The following COL23A1 variants were observed in gnomAD, a reference collection of about 807,000 sequenced individuals.
COL23A1 encodes the protein collagen type XXIII alpha 1 chain, also known as collagen alpha-1(XXIII) chain.
Under a neutral mutation model 99.3 loss-of-function variants are expected in COL23A1, and 97 were observed. That is an observed-to-expected ratio of 0.98 (90% CI 0.83 to 1.16). The LOEUF (loss-of-function observed/expected upper bound fraction) is 1.16. Among genes scored for constraint, COL23A1 ranks in the 50% most tolerant of loss-of-function variants. The pLI is 0.00. For synonymous variants in COL23A1, 320 were observed against 308.2 expected, an observed-to-expected ratio of 1.04 and a Z score of -0.40; for missense variants, 762 against 757.4, an observed-to-expected ratio of 1.01 and a Z score of -0.07.
chr5:178,403,113 AAAAAAAAAATAAATAAATAAAAAAT>A (rs1321386909), intron 2 of COL23A1, among the ~76,000 whole-genome samples: 1 of 129,424 alleles, frequency 7.7e-6, no homozygotes. Flanking sequence ...CATCTCAAAA[AAAAAAAAAATAAATAAATAAAAAAT>A]AAATACCATT....
intron 2 of COL23A1, among the ~76,000 whole-genome samples, chr5:178,512,770 G>C (rs1193932775): frequency 6.6e-6 from 1 of 152,166 alleles, no homozygotes; most frequent in Admixed American, 6.5e-5. Context: ...CCCCAAGCAG[G>C]CTTCGTCAGG....
intron 19 of COL23A1, among the ~76,000 whole-genome samples, chr5:178,248,466 T>C (rs566719008): frequency 3.3e-5 from 5 of 152,192 alleles, no homozygotes; most frequent in Non-Finnish European, 5.9e-5. Flanking sequence ...GCCGCACACA[T>C]TGTTTTCCTG....
intron 3 of COL23A1, among the ~76,000 whole-genome samples, chr5:178,296,449 G>A (rs1460912636): frequency 1.1e-4 from 17 of 152,176 alleles, no homozygotes; most frequent in Admixed American, 1.0e-3. Flanking sequence ...TTCTGACCTG[G>A]GGCAGAGAGA....
In COL23A1 at chr5:178,434,419, C is replaced by T. The variant is rs1766438366; in HGVS notation, c.361+126263G>A. Among the ~76,000 whole-genome samples, 1 of 152,246 alleles carries T rather than the reference C, an allele frequency of 6.6e-6. No homozygotes were observed. The highest frequency in any genetic ancestry group is 1.5e-5 in the Non-Finnish European group (1 of 68,038). On this transcript the variant is annotated intron_variant, in intron 2 of 28. Transcript: ENST00000390654. The surrounding 1 kb of genome is among the most constrained non-coding windows in gnomAD (Gnocchi z 4.3). ...GGTGGCCTCGGGCAAAATGCCTGGA[C>T]CAGGACTTGGACATTGGGCGGCTGT...
At chr5:178,539,158 G>A (rs1404401012) in intron 2 of COL23A1, among the ~76,000 whole-genome samples, 2 of 152,164 alleles carry the variant, frequency 1.3e-5, no homozygotes, top group Non-Finnish European at 2.9e-5. Flanking sequence ...GGAAGTGGTT[G>A]CACAACTCTG....
chr5:178,547,342 T>A lies in COL23A1; in HGVS notation c.361+13340A>T, dbSNP rs188309510. ...AGAAAAAAGGCGGGTGGCGAGAACA[T>A]GGGAAAGAACATGGGTAAGAATATT... On this transcript the variant is annotated intron_variant, in intron 2 of 28. Transcript: ENST00000390654. Among the ~76,000 whole-genome samples, 685 of 151,966 alleles carry A rather than the reference T, an allele frequency of 4.5e-3. 10 individuals are homozygous for A. Among genetic ancestry groups the A allele is most frequent in the African/African-American group, 0.015 (631 of 41,408 alleles).
At chr5:178,374,363 G>A (rs1197149868) in intron 2 of COL23A1, among the ~76,000 whole-genome samples, 3 of 152,056 alleles carry the variant, frequency 2.0e-5, no homozygotes, top group Non-Finnish European at 4.4e-5. Flanking sequence ...CTTCCTTGAC[G>A]CCTCATAATG....
intron 2 of COL23A1, among the ~76,000 whole-genome samples, chr5:178,349,661 G>C (rs562122362): frequency 7.7e-4 from 118 of 152,266 alleles, no homozygotes; most frequent in Non-Finnish European, 1.4e-3. Flanking sequence ...GTCTCCCTTG[G>C]GGGGAGCCCC....
chr5:178,382,199 C>T (rs142779128), intron 2 of COL23A1, among the ~76,000 whole-genome samples: 2 of 152,116 alleles, frequency 1.3e-5, no homozygotes, highest in Non-Finnish European at 2.9e-5. Context: ...CTGAGGGTCA[C>T]ACAAGAGTGG....
At chr5:178,303,678 C>T (rs1758191920) in intron 3 of COL23A1, among the ~76,000 whole-genome samples, 1 of 152,236 alleles carries the variant, frequency 6.6e-6, no homozygotes, top group South Asian at 2.1e-4. Flanking sequence ...AGGCACTGGC[C>T]AAGCAGTCTT....
chr5:178,416,305 C>T (rs559252140), intron 2 of COL23A1, among the ~76,000 whole-genome samples: 30 of 152,330 alleles, frequency 2.0e-4, no homozygotes, highest in Admixed American at 6.5e-4. Context: ...CTTAGAGATG[C>T]GCAAAGAGAC....
At chr5:178,563,348 C>T (rs1448891557) in intron 1 of COL23A1, among the ~76,000 whole-genome samples, 1 of 152,114 alleles carries the variant, frequency 6.6e-6, no homozygotes, top group Non-Finnish European at 1.5e-5. Context: ...GAGAGCTGCT[C>T]CACCCAGGCG....
chr5:178,575,769 G>A (rs1364547459), intron 1 of COL23A1, among the ~76,000 whole-genome samples: 21 of 152,238 alleles, frequency 1.4e-4, no homozygotes. Context: ...AAGAGTGCAT[G>A]AGCCATTGTG....
chr5:178,342,043 G>A (rs542503102), intron 2 of COL23A1, among the ~76,000 whole-genome samples: 42 of 151,176 alleles, frequency 2.8e-4, no homozygotes, highest in Non-Finnish European at 4.7e-4. Flanking sequence ...TAACCACAAC[G>A]AAAGCTCCAT....
At chr5:178,553,283 T>C (rs913939093) in intron 2 of COL23A1, among the ~76,000 whole-genome samples, 10 of 152,118 alleles carry the variant, frequency 6.6e-5, no homozygotes, top group African/African-American at 2.2e-4. Context: ...CTTTTACCAC[T>C]TCTGTTCCGC....
At chr5:178,584,939 G>A (rs1763845915) in intron 1 of COL23A1, among the ~76,000 whole-genome samples, 1 of 152,180 alleles carries the variant, frequency 6.6e-6, no homozygotes, top group African/African-American at 2.4e-5. Context: ...AAGCTGGCAA[G>A]CAATGTCCTA....
At chr5:178,259,799 G>C (rs760622685) in intron 11 of COL23A1, 52 bp from the exon 12 acceptor site, 1 of 1,537,124 alleles carries the variant, frequency 6.5e-7, no homozygotes, top group Non-Finnish European at 8.8e-7. Flanking sequence ...ATAGGAGAGT[G>C]GCCCGGACCC....
intron 2 of COL23A1, among the ~76,000 whole-genome samples, chr5:178,350,132 A>G (rs1395369909): frequency 6.6e-6 from 1 of 152,016 alleles, no homozygotes; most frequent in Non-Finnish European, 1.5e-5. Flanking sequence ...CTACAATTAC[A>G]CTGAGCACTT....
chr5:178,568,767 A>T (rs977455345), intron 1 of COL23A1, among the ~76,000 whole-genome samples: 3 of 152,216 alleles, frequency 2.0e-5, no homozygotes, highest in Non-Finnish European at 2.9e-5. Flanking sequence ...TGGATCATTC[A>T]TTCCTTTTTA....
Sources: allele counts gnomAD v4.1 joint callset (sites outside exome capture counted in the v4.1 genomes callset), GRCh38; gene constraint gnomAD v4.1.1; non-coding constraint Gnocchi (gnomAD v3.1); transcripts MANE v1.5; gene names NCBI Gene and HGNC (gene_info 2026-07-23, HGNC 2026-07-21).